The following USP2 variants were observed in gnomAD, a reference collection of about 807,000 sequenced individuals.
USP2 encodes the protein ubiquitin specific peptidase 2, also known as ubiquitin carboxyl-terminal hydrolase 2.
USP2 carries 33 observed loss-of-function variants against 72.0 expected under a neutral mutation model. The observed-to-expected ratio is 0.46, with a 90% CI of 0.35 to 0.61. USP2 has a LOEUF of 0.61. USP2 is among the 20% of genes least tolerant of loss of function. The pLI is 0.01. For missense variants in USP2, 691 were observed against 797.8 expected, an observed-to-expected ratio of 0.87 and a Z score of 1.61; for synonymous variants, 296 against 312.5, an observed-to-expected ratio of 0.95 and a Z score of 0.56.
intron 12 of USP2, 116 bp downstream of exon 12, chr11:119,357,071 T>C: frequency 9.1e-7 from 1 of 1,093,668 alleles, no homozygotes; most frequent in Non-Finnish European, 1.2e-6. Flanking sequence ...TTGCCATCCA[T>C]TCTCGGTGTA....
chr11:119,378,352 A>G (rs1276385508), intron 1 of USP2, among the ~76,000 whole-genome samples: 1 of 152,054 alleles, frequency 6.6e-6, no homozygotes, highest in Non-Finnish European at 1.5e-5. Context: ...ATTTATGCTC[A>G]AACAGTCCTT....
Position 119,359,300 on chromosome 11 carries a change from T to A in USP2, c.992A>T (p.Asn331Ile). 6.2e-7 allele frequency: 1 copy of A among 1,613,990 alleles called. No individual in the cohort carries two copies. Among genetic ancestry groups the A allele is most frequent in the Non-Finnish European group, 8.5e-7 (1 of 1,180,010 alleles). ...GAACTCAGATGGGCTCACCACATCATTGGGGGATGAAGTCCATATGGTCTG... is the reference window on the plus strand; with the variant it reads ...GAACTCAGATGGGCTCACCACATCAATGGGGGATGAAGTCCATATGGTCTG... Reference protein sequence around the residue: ...LIQTIWTSSPNDVVSPSEFKT... With the variant: ...LIQTIWTSSPIDVVSPSEFKT... Residue 331 changes from asparagine to isoleucine, a missense_variant, in exon 5 of 13, where the codon AAT becomes ATT. Physicochemically the swap from Asn to Ile is moderately radical, Grantham distance 149. Coordinates refer to ENST00000260187, the MANE Select transcript of USP2 (RefSeq NM_004205.5).
intron 2 of USP2, among the ~76,000 whole-genome samples, chr11:119,366,103 C>T (rs900298917): frequency 7.2e-5 from 11 of 152,168 alleles, no homozygotes; most frequent in Middle Eastern, 3.4e-3. Context: ...CCATGTTGGC[C>T]GAGCTGGTCA....
intron 1 of USP2, among the ~76,000 whole-genome samples, chr11:119,374,892 A>G (rs1308274349): frequency 6.6e-6 from 1 of 152,178 alleles, no homozygotes. Flanking sequence ...GTAAATGAGT[A>G]AAACCATCAT....
chr11:119,359,810 G>A, intron 3 of USP2, 150 bp from the exon 4 acceptor site: 1 of 1,185,500 alleles, frequency 8.4e-7, no homozygotes, highest in Non-Finnish European at 1.2e-6. Flanking sequence ...TTTCATAAGT[G>A]AAAGGGGTGA....
At chr11:119,376,260 T>TGGGCAGGAGAGCGGGCTGGGGCCC (rs1950999378) in intron 1 of USP2, 1 of 985,494 alleles carries the variant, frequency 1.0e-6, no homozygotes, top group Non-Finnish European at 1.2e-6. Context: ...GAATGCACTA[T>TGGGCAGGAGAGCGGGCTGGGGCCC]GGGCAGGAGA....
intron 2 of USP2, among the ~76,000 whole-genome samples, chr11:119,370,925 A>G (rs887489215): frequency 6.6e-6 from 1 of 152,148 alleles, no homozygotes; most frequent in Non-Finnish European, 1.5e-5. Flanking sequence ...GGGTTGGGCC[A>G]TGCCTGTGTG....
Position 119,359,074 on chromosome 11 carries a change from G to A in USP2, c.1122C>T (p.Asn374=). The change falls in exon 6 of 13, where the codon AAC becomes AAT. Residue 374 remains asparagine (N), a synonymous_variant. Coordinates refer to ENST00000260187, the MANE Select transcript of USP2 (RefSeq NM_004205.5). ...TGGACTTAGGTCTCAGTGTCACTCG[G>A]TTCACCTCGTTATGGAGCCCATCCA... ...FLLDGLHNEV[N]RVTLRPKSNP... 6.2e-7 allele frequency: 1 copy of A among 1,614,040 alleles called. No homozygotes were observed. The highest frequency in any genetic ancestry group is 8.5e-7 in the Non-Finnish European group (1 of 1,180,026).
intron 2 of USP2, among the ~76,000 whole-genome samples, chr11:119,363,111 G>A (rs573465191): frequency 6.6e-6 from 1 of 152,224 alleles, no homozygotes; most frequent in African/African-American, 2.4e-5. Context: ...AGTCCTGGCT[G>A]CAGCTAGGAA....
At position 119,357,782 on chromosome 11, in the gene USP2, C is replaced by G; in HGVS notation, c.1476G>C (p.Gln492His). The G allele has an allele frequency of 6.2e-7, 1 of 1,614,000 alleles. No homozygotes were observed. ...GGAGCACCAAGATCTTTGGGAACCT[C>G]TGGATGGAGAACTTCTTTATACACC... ...RKRCIKKFSI[Q>H]RFPKILVLHL... The change falls in exon 10 of 13, where the codon CAG becomes CAC. Residue 492 changes from glutamine to histidine, a missense_variant. Transcript: ENST00000260187.
At chr11:119,379,137 G>GAT (rs1022976908) in intron 1 of USP2, 8 of 985,350 alleles carry the variant, frequency 8.1e-6, no homozygotes, top group African/African-American at 7.0e-5. Context: ...TACTGACTCC[G>GAT]ATATATATAG....
chr11:119,372,954 C>T lies in USP2; in HGVS notation c.527G>A (p.Arg176His), dbSNP rs771654634. 6.2e-6 allele frequency: 10 copies of T among 1,613,618 alleles called. No individual in the cohort carries two copies. The highest frequency in any genetic ancestry group is 5.0e-5 in the Admixed American group (3 of 59,996). ...CCCCTGCAGGGTGCAGAGCTCCTTG[C>T]GCGTCCGGGCCAGCATGGGGCTGCG... ...LGRSPMLART[R>H]KELCTLQGLY... Residue 176 changes from arginine to histidine, a missense_variant, in exon 2 of 13, where the codon CGC becomes CAC. Coordinates refer to ENST00000260187, the MANE Select transcript of USP2 (RefSeq NM_004205.5).
At chr11:119,371,297 T>C (rs1950922823) in intron 2 of USP2, among the ~76,000 whole-genome samples, 1 of 152,178 alleles carries the variant, frequency 6.6e-6, no homozygotes, top group Non-Finnish European at 1.5e-5. Context: ...CATATTCTAA[T>C]TGCCCTGGGG....
chr11:119,357,447 G>GTCT, intron 11 of USP2, 36 bp downstream of exon 11: 1 of 1,613,488 alleles, frequency 6.2e-7, no homozygotes, highest in East Asian at 2.2e-5. Context: ...GCACACCTGC[G>GTCT]TCTTCATTCT....
chr11:119,356,500 G>T lies in USP2; in HGVS notation c.*335C>A, dbSNP rs950554088. ...CTGTCCCCTCGGAGGCGCGGGCGCT[G>T]CGGCGGGAAGCGGCGCAGCGAGGGT... is the stretch of plus-strand genomic sequence containing the variant. On this transcript the variant is annotated 3_prime_UTR_variant, in exon 13 of 13. Coordinates refer to ENST00000260187, the MANE Select transcript of USP2 (RefSeq NM_004205.5). 19 of 224,630 alleles carry T rather than the reference G, an allele frequency of 8.5e-5. No individual in the cohort carries two copies. The highest frequency in any genetic ancestry group is 8.0e-4 in the Admixed American group (15 of 18,752). The allele number at this position is 224,630 out of a possible 1,614,324, so 13.9% of individuals were successfully genotyped here. A position where few individuals can be genotyped will look rare whatever the true frequency, so the allele number is the denominator to read the frequency against.
intron 1 of USP2, among the ~76,000 whole-genome samples, chr11:119,380,544 G>T (rs1463680180): frequency 6.6e-6 from 1 of 152,086 alleles, no homozygotes; most frequent in Non-Finnish European, 1.5e-5. Context: ...TCTGGCCTTG[G>T]TGCACTTGTC....
At chr11:119,358,743 A>G (rs769001905) in intron 7 of USP2, 30 bp downstream of exon 7, 4 of 1,613,208 alleles carry the variant, frequency 2.5e-6, no homozygotes, top group Admixed American at 1.7e-5. Flanking sequence ...GCAACAGTGA[A>G]AACAGGCATC....
At chr11:119,370,840 A>C (rs1950916291) in intron 2 of USP2, among the ~76,000 whole-genome samples, 2 of 151,940 alleles carry the variant, frequency 1.3e-5, no homozygotes, top group African/African-American at 4.8e-5. Flanking sequence ...AATTCCCTTC[A>C]CCTTGGCCCT....
intron 3 of USP2, 59 bp from the exon 4 acceptor site, chr11:119,359,719 A>G (rs1200422075): frequency 1.9e-6 from 3 of 1,591,980 alleles, no homozygotes; most frequent in African/African-American, 2.7e-5. Context: ...CACCTGTGTT[A>G]CTTACTACCA....
Sources: allele counts gnomAD v4.1 joint callset (sites outside exome capture counted in the v4.1 genomes callset), GRCh38; gene constraint gnomAD v4.1.1; transcripts MANE v1.5; gene names NCBI Gene and HGNC (gene_info 2026-07-23, HGNC 2026-07-21).